JMJD1C: variants seen among roughly 807,000 people sequenced by gnomAD.
JMJD1C encodes the protein jumonji domain-containing protein 1C.
JMJD1C carries 31 observed loss-of-function variants against 245.3 expected under a neutral mutation model. That is an observed-to-expected ratio of 0.13 (90% CI 0.09 to 0.17). The LOEUF is 0.17. Among genes scored for constraint, JMJD1C ranks in the 10% least tolerant of loss-of-function variants. JMJD1C has a pLI of 1.00. For synonymous variants in JMJD1C, 1,057 were observed against 1,017.4 expected (o/e 1.04, Z -0.74); for missense variants, 2,691 against 3,000.2 (o/e 0.90, Z 2.41).
intron 1 of JMJD1C, among the ~76,000 whole-genome samples, chr10:63,508,203 T>C (rs1010844535): frequency 6.6e-6 from 1 of 152,234 alleles, no homozygotes; most frequent in African/African-American, 2.4e-5. Context: ...CATGTGAATG[T>C]CAGGTTATTC....
chr10:63,257,614 T>G (rs1854143804), intron 3 of JMJD1C, among the ~76,000 whole-genome samples: 1 of 152,182 alleles, frequency 6.6e-6, no homozygotes, highest in Admixed American at 6.5e-5. Flanking sequence ...GAAAAATAAT[T>G]TTGTACCTTA....
At position 63,464,972 on chromosome 10, in the gene JMJD1C, C is replaced by T. The variant is rs185947700; in HGVS notation, c.168+523G>A. Among the ~76,000 whole-genome samples the T allele has an allele frequency of 5.6e-3, 857 of 152,340 alleles. 12 individuals carry two copies. Among genetic ancestry groups the T allele is most frequent in the African/African-American group, 0.019 (807 of 41,582 alleles). ...CACCACGGCCTCTGCCTCTAAAACA[C>T]ATAGGAATCCCCGGACTGTGTGGGA... On this transcript the variant is annotated intron_variant, in intron 1 of 25. Coordinates refer to ENST00000399262, the MANE Select transcript of JMJD1C (RefSeq NM_032776.3).
chr10:63,180,035 T>A (rs999619199), intron 22 of JMJD1C, among the ~76,000 whole-genome samples: 1 of 152,234 alleles, frequency 6.6e-6, no homozygotes, highest in Non-Finnish European at 1.5e-5. Context: ...AGTCTCACTC[T>A]GTCGCCCAGG....
intron 2 of JMJD1C, among the ~76,000 whole-genome samples, chr10:63,319,267 A>G (rs1227079490): frequency 6.6e-6 from 1 of 151,316 alleles, no homozygotes; most frequent in East Asian, 1.9e-4. Context: ...AAAAAAAAAA[A>G]AAAAAAAAAA....
At chr10:63,215,972 T>A (rs982017628) in intron 5 of JMJD1C, among the ~76,000 whole-genome samples, 2 of 152,212 alleles carry the variant, frequency 1.3e-5, no homozygotes, top group African/African-American at 4.8e-5. Flanking sequence ...AGAATACAGA[T>A]GCCAACAATT....
chr10:63,220,224 G>C (rs747288074), intron 3 of JMJD1C, among the ~76,000 whole-genome samples: 2 of 152,198 alleles, frequency 1.3e-5, no homozygotes, highest in Non-Finnish European at 2.9e-5. Context: ...TGAAATTAAT[G>C]TGTTTTCTAA....
In JMJD1C at chr10:63,215,443, G is replaced by A. The variant is rs753421740; in HGVS notation, c.835C>T (p.Arg279Cys). Residue 279 changes from arginine to cysteine, a missense_variant, in exon 7 of 26, where the codon CGT becomes TGT. By Grantham distance (180) the Arg-to-Cys change is radical. Coordinates refer to ENST00000399262, the MANE Select transcript of JMJD1C (RefSeq NM_032776.3). ...NVNAVHSHYT[R>C]AQANSPRPAM... is the part of the protein sequence containing the mutation. ...GGTCTGGGACTATTTGCTTGGGCAC[G>A]TGTATAATGGCTCTAAAAATAACCA... The A allele has an allele frequency of 5.0e-6, 8 of 1,614,064 alleles. No individual in the cohort carries two copies. Among genetic ancestry groups the A allele is most frequent in the South Asian group, 2.2e-5 (2 of 91,080 alleles).
intron 1 of JMJD1C, among the ~76,000 whole-genome samples, chr10:63,430,619 G>C (rs10995534): frequency 6.6e-6 from 1 of 152,134 alleles, no homozygotes; most frequent in Non-Finnish European, 1.5e-5. Flanking sequence ...GACTGCTAAC[G>C]GATAGTGAGT....
At chr10:63,322,432 A>G (rs929444433) in intron 2 of JMJD1C, among the ~76,000 whole-genome samples, 1 of 152,216 alleles carries the variant, frequency 6.6e-6, no homozygotes, top group Non-Finnish European at 1.5e-5. Context: ...ACTCAGTACG[A>G]TGATTTTAAA....
intron 2 of JMJD1C, among the ~76,000 whole-genome samples, chr10:63,304,960 C>G (rs2134009107): frequency 6.6e-6 from 1 of 152,164 alleles, no homozygotes; most frequent in Non-Finnish European, 1.5e-5. Context: ...GAGCAAGACC[C>G]CATCTCTACC....
chr10:63,197,359 T>C, intron 13 of JMJD1C, 52 bp downstream of exon 13: 1 of 1,443,784 alleles, frequency 6.9e-7, no homozygotes, highest in South Asian at 1.2e-5. Context: ...AGAAGAGTGA[T>C]CCTAAAGAAA....
chr10:63,322,823 A>C (rs866361397), intron 2 of JMJD1C, among the ~76,000 whole-genome samples: 5 of 121,782 alleles, frequency 4.1e-5, no homozygotes, highest in African/African-American at 8.7e-5. Flanking sequence ...AAAAAAAAAA[A>C]CTTTTTTTTT....
chr10:63,338,594 C>G (rs939920860), intron 2 of JMJD1C, among the ~76,000 whole-genome samples: 1 of 149,304 alleles, frequency 6.7e-6, no homozygotes, highest in African/African-American at 2.5e-5. Flanking sequence ...TTAGCCACTA[C>G]AAACTTTAAA....
chr10:63,419,306 G>C (rs1185179945), intron 1 of JMJD1C, among the ~76,000 whole-genome samples: 1 of 151,966 alleles, frequency 6.6e-6, no homozygotes, highest in Admixed American at 6.6e-5. Context: ...AGAATGGCTT[G>C]AACCCAGGAG....
Position 63,167,702 on chromosome 10 carries a change from G to C in JMJD1C, c.*343C>G, listed in dbSNP as rs1841977789. On this transcript the variant is annotated 3_prime_UTR_variant, in exon 26 of 26. Coordinates refer to ENST00000399262, the MANE Select transcript of JMJD1C (RefSeq NM_032776.3). ...TCAGTAATTTTAGTAAACTGTACAA[G>C]GTCACATTTACACTTGATCAACAAT... 5.9e-6 allele frequency: 1 copy of C among 170,654 alleles called. No individual in the cohort carries two copies. Among genetic ancestry groups the C allele is most frequent in the African/African-American group, 2.4e-5 (1 of 42,138 alleles). The allele number at this position is 170,654 out of a possible 1,614,324, so 10.6% of individuals were successfully genotyped here.
chr10:63,176,627 T>C, intron 23 of JMJD1C, 154 bp from the exon 24 acceptor site: 1 of 622,492 alleles, frequency 1.6e-6, no homozygotes, highest in East Asian at 2.8e-5. Flanking sequence ...AATAACATTC[T>C]GCAATAATTT....
In JMJD1C at chr10:63,339,663, C is replaced by T. The variant is rs544827329; in HGVS notation, c.333+40655G>A. ...AATGTAGGCCAGGCGCAGTGGCTCA[C>T]GCCTATAATCCCAGCACTTTGGGAG... On this transcript the variant is annotated intron_variant, in intron 2 of 25. Transcript: ENST00000399262. Among the ~76,000 whole-genome samples, 36 of 152,066 alleles carry T rather than the reference C, an allele frequency of 2.4e-4. No individual in the cohort carries two copies. The South Asian group carries it at 7.3e-3, about 31-fold the overall frequency.
At chr10:63,260,305 G>T (rs1324013378) in intron 3 of JMJD1C, among the ~76,000 whole-genome samples, 1 of 152,150 alleles carries the variant, frequency 6.6e-6, no homozygotes, top group African/African-American at 2.4e-5. Context: ...AGGTTAGTTG[G>T]TATGAATCAT....
intron 2 of JMJD1C, among the ~76,000 whole-genome samples, chr10:63,375,508 C>G (rs1946663141): frequency 6.6e-6 from 1 of 150,548 alleles, no homozygotes; most frequent in Non-Finnish European, 1.5e-5. Context: ...CACCCCTGTT[C>G]AAAGACTAGA....
Sources: gnomAD v4.1 joint callset for allele counts (sites outside exome capture counted in the v4.1 genomes callset) on GRCh38, gnomAD v4.1.1 for gene constraint, MANE v1.5 for transcripts, NCBI Gene and HGNC (gene_info 2026-07-23, HGNC 2026-07-21) for gene names.